The following PRKAG2 variants were observed in gnomAD, a reference collection of about 807,000 sequenced individuals.
PRKAG2 encodes the protein 5'-AMP-activated protein kinase subunit gamma-2.
In PRKAG2, 26 loss-of-function variants were observed where a neutral mutation model predicts 69.6. That is an observed-to-expected ratio of 0.37 (90% CI 0.27 to 0.52). PRKAG2 has a LOEUF of 0.52. Among genes scored for constraint, PRKAG2 ranks in the 20% least tolerant of loss-of-function variants. The pLI, the probability that PRKAG2 is intolerant of heterozygous loss-of-function variation, is 0.90. For synonymous variants in PRKAG2, 293 were observed against 285.0 expected (o/e 1.03, Z -0.28); for missense variants, 557 against 740.0 (o/e 0.75, Z 2.87).
chr7:151,710,373 C>T (rs1795093254), intron 3 of PRKAG2, among the ~76,000 whole-genome samples: 1 of 152,202 alleles, frequency 6.6e-6, no homozygotes, highest in African/African-American at 2.4e-5. Context: ...AGTGGTCACC[C>T]ACCAGTCTCC....
chr7:151,715,167 C>T (rs1160607663), intron 3 of PRKAG2, among the ~76,000 whole-genome samples: 1 of 148,264 alleles, frequency 6.7e-6, no homozygotes. Flanking sequence ...AGGTGCGTGC[C>T]ACCATGCCCA....
rs1196864195 is a variant in PRKAG2 at position 151,847,557 on chromosome 7, G to T, written c.114+28950C>A. Among the ~76,000 whole-genome samples the T allele has an allele frequency of 2.6e-5, 4 of 152,076 alleles. No homozygotes were observed. The South Asian group carries it at 8.3e-4, about 32-fold the overall frequency. ...CACCCCACTGAGGCTGTACCCCCTG[G>T]CCTTCCCAGCCCCATCACTCATCCT... On this transcript the variant is annotated intron_variant, in intron 1 of 15. Transcript: ENST00000287878.
At chr7:151,571,539 G>A (rs985509605) in intron 9 of PRKAG2, among the ~76,000 whole-genome samples, 6 of 152,168 alleles carry the variant, frequency 3.9e-5, no homozygotes, top group African/African-American at 1.2e-4. Context: ...TACAGAAGGC[G>A]TTTAAGAATA....
intron 15 of PRKAG2, 33 bp from the exon 16 acceptor site, chr7:151,557,265 C>T (rs1803946935): frequency 6.2e-7 from 1 of 1,613,730 alleles, no homozygotes; most frequent in Admixed American, 1.7e-5. Context: ...AGTTTCAAAG[C>T]TCATGGTAAC....
chr7:151,817,254 T>C (rs1267723005), intron 1 of PRKAG2, among the ~76,000 whole-genome samples: 1 of 152,172 alleles, frequency 6.6e-6, no homozygotes, highest in Non-Finnish European at 1.5e-5. Flanking sequence ...GAAGACCATT[T>C]TGGTGCATGG....
rs1289279980 is a variant in PRKAG2, at chr7:151,567,031, C to G, written c.1234-1146G>C. Among the ~76,000 whole-genome samples, 1 of 152,190 alleles carries G rather than the reference C, an allele frequency of 6.6e-6. No individual in the cohort carries two copies. The highest frequency in any genetic ancestry group is 2.4e-5 in the African/African-American group (1 of 41,442). On this transcript the variant is annotated intron_variant, in intron 11 of 15. Coordinates refer to ENST00000287878, the MANE Select transcript of PRKAG2 (RefSeq NM_016203.4). The surrounding 1 kb of genome is among the most constrained non-coding windows in gnomAD (Gnocchi z 4.2). ...TAGAAGATAAAAATCTGAAGCAGCT[C>G]TGCAAAAGAATGATCTCACGCTTTT... is the stretch of plus-strand genomic sequence containing the variant.
chr7:151,670,506 T>A (rs1002374637), intron 4 of PRKAG2, among the ~76,000 whole-genome samples: 2 of 152,220 alleles, frequency 1.3e-5, no homozygotes, highest in Admixed American at 6.5e-5. Flanking sequence ...CACCCTAAAA[T>A]GCACAGCTGA....
chr7:151,763,390 G>A (rs2075546667), intron 3 of PRKAG2, among the ~76,000 whole-genome samples: 1 of 152,214 alleles, frequency 6.6e-6, no homozygotes, highest in East Asian at 1.9e-4. Flanking sequence ...TCTCTCTTTG[G>A]TGAAACCCCA....
At position 151,807,335 on chromosome 7, in the gene PRKAG2, A is replaced by C. The variant is rs776414224; in HGVS notation, c.115-20794T>G. The C allele has an allele frequency of 4.6e-6, 2 of 439,446 alleles. No individual in the cohort carries two copies. The highest frequency in any genetic ancestry group is 9.3e-6 in the Non-Finnish European group (2 of 213,924). 27.2% of individuals were successfully genotyped at this position (439,446 alleles called of 1,614,324 possible). On this transcript the variant is annotated intron_variant, in intron 1 of 15. Transcript: ENST00000287878. The surrounding 1 kb of genome is among the most constrained non-coding windows in gnomAD (Gnocchi z 4.4). ...CAGAACGTGGGAAAATGCCTATATTAAGAATCCTGGAATACTCCATGTGCT... is the reference window on the plus strand; with the variant it reads ...CAGAACGTGGGAAAATGCCTATATTCAGAATCCTGGAATACTCCATGTGCT...
At chr7:151,685,775 A>C (rs921758134) in intron 3 of PRKAG2, among the ~76,000 whole-genome samples, 8 of 152,138 alleles carry the variant, frequency 5.3e-5, no homozygotes, top group African/African-American at 1.9e-4. Flanking sequence ...TCTAAAAAAA[A>C]AAAAAAAAAT....
At chr7:151,656,513 G>A (rs1050461849) in intron 4 of PRKAG2, among the ~76,000 whole-genome samples, 7 of 152,156 alleles carry the variant, frequency 4.6e-5, no homozygotes, top group Admixed American at 2.0e-4. Context: ...CCAAGACTGC[G>A]CCATTGCCCT....
chr7:151,677,412 G>A (rs1356809009), intron 3 of PRKAG2, among the ~76,000 whole-genome samples: 1 of 152,112 alleles, frequency 6.6e-6, no homozygotes, highest in Non-Finnish European at 1.5e-5. Flanking sequence ...AGCTGCTTTC[G>A]AACTCCTGAC....
chr7:151,700,430 C>T (rs867445873), intron 3 of PRKAG2, among the ~76,000 whole-genome samples: 8 of 152,088 alleles, frequency 5.3e-5, no homozygotes, highest in Non-Finnish European at 7.3e-5. Flanking sequence ...CTTCAGTGAC[C>T]GACAGACACG....
chr7:151,608,123 G>A (rs1817941158), intron 5 of PRKAG2, among the ~76,000 whole-genome samples: 1 of 152,158 alleles, frequency 6.6e-6, no homozygotes, highest in Non-Finnish European at 1.5e-5. Flanking sequence ...GCCAAGGACT[G>A]CCGGCAACAG....
intron 3 of PRKAG2, among the ~76,000 whole-genome samples, chr7:151,740,809 AG>A (rs1442613903): frequency 1.3e-5 from 2 of 152,108 alleles, no homozygotes; most frequent in Non-Finnish European, 2.9e-5. Flanking sequence ...TGTGAAGAAG[AG>A]GGGGGAACCC....
Position 151,807,375 on chromosome 7 carries a change from G to A in PRKAG2, c.115-20834C>T, listed in dbSNP as rs757530722. ...CTCCATGTGCTTTTTCATGCAGCGG[G>A]AGTGGAATTTTCAGGAAGCAGCTGT... On this transcript the variant is annotated intron_variant, in intron 1 of 15. Coordinates refer to ENST00000287878, the MANE Select transcript of PRKAG2 (RefSeq NM_016203.4). The surrounding 1 kb of genome is among the most constrained non-coding windows in gnomAD (Gnocchi z 4.4). 1 of 454,832 alleles carries A rather than the reference G, an allele frequency of 2.2e-6. No individual in the cohort carries two copies. Among genetic ancestry groups the A allele is most frequent in the South Asian group, 1.5e-5 (1 of 64,524 alleles). 28.2% of individuals were successfully genotyped at this position (454,832 alleles called of 1,614,324 possible). A position where few individuals can be genotyped will look rare whatever the true frequency, so the allele number is the denominator to read the frequency against.
intron 5 of PRKAG2, among the ~76,000 whole-genome samples, chr7:151,597,292 T>A (rs1197095978): frequency 6.6e-6 from 1 of 152,184 alleles, no homozygotes; most frequent in Admixed American, 6.5e-5. Flanking sequence ...GATTAGAGAC[T>A]GAAAATCTAC....
intron 1 of PRKAG2, among the ~76,000 whole-genome samples, chr7:151,830,787 C>CGGGG (rs58030412): frequency 7.0e-4 from 80 of 114,476 alleles, no homozygotes; most frequent in African/African-American, 2.9e-3. Context: ...GGGGGCGGGG[C>CGGGG]GGGGGGGGGT....
intron 15 of PRKAG2, chr7:151,558,151 C>T (rs1804178545): frequency 2.0e-6 from 2 of 985,314 alleles, no homozygotes; most frequent in East Asian, 1.1e-4. Flanking sequence ...TTCATTTGGA[C>T]AGTCTAAGTT....
Sources: allele counts gnomAD v4.1 joint callset (sites outside exome capture counted in the v4.1 genomes callset), GRCh38; gene constraint gnomAD v4.1.1; non-coding constraint Gnocchi (gnomAD v3.1); transcripts MANE v1.5; gene names NCBI Gene and HGNC (gene_info 2026-07-23, HGNC 2026-07-21).